The following EML5 variants were observed in gnomAD, a reference collection of about 807,000 sequenced individuals.
EML5 encodes the protein echinoderm microtubule-associated protein-like 5.
In EML5, 120 loss-of-function variants were observed where a neutral mutation model predicts 250.0. The observed-to-expected ratio is 0.48, with a 90% confidence interval of 0.41 to 0.56. The LOEUF is 0.56. Among genes scored for constraint, EML5 ranks in the 20% least tolerant of loss-of-function variants. The pLI is 0.00. For synonymous variants in EML5, 771 were observed against 806.5 expected (o/e 0.96, Z 0.75); for missense variants, 2,006 against 2,437.6 (o/e 0.82, Z 3.73).
intron 28 of EML5, among the ~76,000 whole-genome samples, chr14:88,648,860 T>C (rs1881815461): frequency 6.6e-6 from 1 of 152,120 alleles, no homozygotes; most frequent in Admixed American, 6.5e-5. Context: ...GGTTGCTTCA[T>C]ACTCTGAACT....
chr14:88,778,307 G>A (rs1445358129), intron 1 of EML5, among the ~76,000 whole-genome samples: 3 of 152,174 alleles, frequency 2.0e-5, no homozygotes, highest in African/African-American at 7.2e-5. Context: ...ATAAAGATTT[G>A]TTTAATATTG....
At chr14:88,759,552 T>C (rs2094207321) in intron 1 of EML5, among the ~76,000 whole-genome samples, 1 of 151,712 alleles carries the variant, frequency 6.6e-6, no homozygotes, top group African/African-American at 2.4e-5. Flanking sequence ...GGTGTGATGG[T>C]ACATGCCCGT....
chr14:88,661,000 T>C (rs2092078398), intron 25 of EML5, among the ~76,000 whole-genome samples: 1 of 152,194 alleles, frequency 6.6e-6, no homozygotes, highest in Non-Finnish European at 1.5e-5. Flanking sequence ...AGTTTGAAGC[T>C]GTAACTATAA....
chr14:88,699,256 T>C (rs1275374633), intron 14 of EML5, among the ~76,000 whole-genome samples: 1 of 151,976 alleles, frequency 6.6e-6, no homozygotes, highest in African/African-American at 2.4e-5. Context: ...TGAAATAGCA[T>C]TATACGTGTT....
chr14:88,772,168 C>T (rs1425936877), intron 1 of EML5, among the ~76,000 whole-genome samples: 2 of 152,186 alleles, frequency 1.3e-5, no homozygotes, highest in African/African-American at 4.8e-5. Context: ...ATCTTTTCCT[C>T]ACTCATCTCA....
Position 88,702,757 on chromosome 14 carries a change from A to C in EML5, c.2052-125T>G, listed in dbSNP as rs1265287483. On this transcript the variant is annotated intron_variant, in intron 13 of 43. Transcript: ENST00000554922. ...CAATTTCCAGTTTTACAGGATACTAAACAATTTTTTTTCAAGAGATGGGGT... is the reference window on the plus strand; with the variant it reads ...CAATTTCCAGTTTTACAGGATACTACACAATTTTTTTTCAAGAGATGGGGT... 4 of 684,170 alleles carry C rather than the reference A, an allele frequency of 5.8e-6. No homozygotes were observed. The East Asian group carries it at 9.5e-5, about 16-fold the overall frequency. The allele number at this position is 684,170 out of a possible 1,614,324, so 42.4% of individuals were successfully genotyped here.
chr14:88,644,529 G>A lies in EML5; in HGVS notation c.4029-18C>T. The A allele has an allele frequency of 1.3e-5, 21 of 1,612,902 alleles. 1 individual carries two copies. The highest frequency in any genetic ancestry group is 3.3e-5 in the South Asian group (3 of 91,036). On this transcript the variant is annotated intron_variant, in intron 29 of 43. Coordinates refer to ENST00000554922, the MANE Select transcript of EML5 (RefSeq NM_183387.3). ...CTGGAGGCCTGCAACAGAGAAGTGG[G>A]GAGGAGGAAAGGCATGCAGCACTCA...
At chr14:88,698,798 A>T (rs1249136890) in intron 14 of EML5, among the ~76,000 whole-genome samples, 1 of 152,180 alleles carries the variant, frequency 6.6e-6, no homozygotes, top group East Asian at 1.9e-4. Context: ...TCTACTGGAC[A>T]TCTCACCTGG....
chr14:88,748,037 G>A (rs2094033889), intron 2 of EML5, among the ~76,000 whole-genome samples: 1 of 152,098 alleles, frequency 6.6e-6, no homozygotes, highest in South Asian at 2.1e-4. Context: ...CTTCCATCTA[G>A]GAGGCAATTT....
chr14:88,616,203 T>C lies in EML5; in HGVS notation c.5836A>G (p.Thr1946Ala). 1 of 1,613,926 alleles carries C rather than the reference T, an allele frequency of 6.2e-7. No homozygotes were observed. Among genetic ancestry groups the C allele is most frequent in the Non-Finnish European group, 8.5e-7 (1 of 1,179,818 alleles). Residue 1946 changes from threonine to alanine, a missense_variant, in exon 43 of 44, where the codon ACA (threonine) becomes GCA (alanine). Around this residue, in one of 7 missense-constraint regions of EML5, gnomAD observed 56 missense variants for 55.1 expected, o/e 1.02. Transcript: ENST00000554922. The stretch of plus-strand genomic sequence containing the variant: ...TCACCACTGGTAAATCGAATATTTG[T>C]CACATGGGGCGAATGACCCAAGAAC... ...KRFLGHSPHV[T>A]NIRFTSGDRH...
At chr14:88,680,938 GA>G (rs2092702486) in intron 21 of EML5, among the ~76,000 whole-genome samples, 1 of 151,858 alleles carries the variant, frequency 6.6e-6, no homozygotes, top group South Asian at 2.1e-4. Flanking sequence ...AAAAAAACAA[GA>G]AAACATCCAA....
chr14:88,682,757 C>T (rs989353658), intron 20 of EML5, among the ~76,000 whole-genome samples: 3 of 152,204 alleles, frequency 2.0e-5, no homozygotes. Flanking sequence ...TTCTGCCCAG[C>T]CCCTCCTCCA....
intron 21 of EML5, among the ~76,000 whole-genome samples, chr14:88,666,403 T>C (rs914959840): frequency 1.3e-5 from 2 of 151,976 alleles, no homozygotes; most frequent in African/African-American, 2.4e-5. Flanking sequence ...CTTTTGTATT[T>C]TTAGTAGAGA....
intron 32 of EML5, among the ~76,000 whole-genome samples, chr14:88,636,999 A>G (rs2090774505): frequency 6.6e-6 from 1 of 152,252 alleles, no homozygotes. Flanking sequence ...AAAATAGTAC[A>G]AAATCAAACA....
At position 88,615,645 on chromosome 14, in the gene EML5, G is replaced by T; in HGVS notation, c.*173C>A. On this transcript the variant is annotated 3_prime_UTR_variant, in exon 44 of 44. Transcript: ENST00000554922. ...GTATGGATTACGGATTATACCCAGT[G>T]CATATAGCAAATATTTTGAACAGAT... 1.7e-6 allele frequency: 1 copy of T among 605,180 alleles called. No individual in the cohort carries two copies. Among genetic ancestry groups the T allele is most frequent in the African/African-American group, 1.9e-5 (1 of 53,720 alleles). 37.5% of individuals were successfully genotyped at this position (605,180 alleles called of 1,614,324 possible).
intron 25 of EML5, among the ~76,000 whole-genome samples, chr14:88,661,388 C>T (rs939606993): frequency 3.3e-5 from 5 of 152,152 alleles, no homozygotes; most frequent in Admixed American, 3.3e-4. Context: ...GAGCCACTGT[C>T]CCCAGCCAAG....
rs764461542 is a variant in EML5 at position 88,694,297 on chromosome 14, ACTTT to A, written c.2539+6_2539+9del. 8.4e-6 allele frequency: 13 copies of A among 1,543,148 alleles called. No individual in the cohort carries two copies. In the South Asian group the frequency reaches 1.4e-4, roughly 17 times the overall value. On this transcript the variant is annotated splice_donor_region_variant and intron_variant, in intron 17 of 43. Coordinates refer to ENST00000554922, the MANE Select transcript of EML5 (RefSeq NM_183387.3). ...AAATTCTATGGAGTAAAAAAGAAGC[ACTTT>A]CTTACCTGCTTTACGCCAAAATTTC...
chr14:88,662,103 G>A (rs912341316), intron 24 of EML5, among the ~76,000 whole-genome samples: 8 of 151,756 alleles, frequency 5.3e-5, no homozygotes, highest in African/African-American at 1.2e-4. Flanking sequence ...TAATAAAACC[G>A]TTTCTGACTT....
intron 7 of EML5, among the ~76,000 whole-genome samples, chr14:88,731,261 T>A (rs958456210): frequency 1.6e-5 from 2 of 125,330 alleles, no homozygotes; most frequent in Non-Finnish European, 3.2e-5. Context: ...GATGTCCCCC[T>A]TCCTGTGTCC....
Sources: gnomAD v4.1 joint callset for allele counts (sites outside exome capture counted in the v4.1 genomes callset) on GRCh38, gnomAD v4.1.1 for gene constraint, gnomAD v4.1.1 regional missense constraint, MANE v1.5 for transcripts, NCBI Gene and HGNC (gene_info 2026-07-23, HGNC 2026-07-21) for gene names.